TMEM117: variants seen among roughly 807,000 people sequenced by gnomAD.
TMEM117 encodes transmembrane protein 117.
TMEM117 carries 27 observed loss-of-function variants against 52.4 expected under a neutral mutation model. The observed-to-expected ratio is 0.51, with a 90% CI of 0.38 to 0.71. TMEM117 has a LOEUF of 0.71. TMEM117 is among the 30% of genes least tolerant of loss of function. TMEM117 has a pLI of 0.00. For synonymous variants in TMEM117, 215 were observed against 206.3 expected, an observed-to-expected ratio of 1.04 and a Z score of -0.36; for missense variants, 556 against 630.5, an observed-to-expected ratio of 0.88 and a Z score of 1.26.
At chr12:44,221,729 C>T (rs916606282) in intron 5 of TMEM117, among the ~76,000 whole-genome samples, 13 of 151,096 alleles carry the variant, frequency 8.6e-5, no homozygotes, top group African/African-American at 3.2e-4. Flanking sequence ...GACAGAGTCT[C>T]ACTCTGTCAA....
intron 6 of TMEM117, among the ~76,000 whole-genome samples, chr12:44,300,796 A>G (rs1343577410): frequency 1.3e-5 from 2 of 152,184 alleles, no homozygotes; most frequent in African/African-American, 4.8e-5. Context: ...TGCATTTGAA[A>G]ATTGATAAAT....
intron 3 of TMEM117, among the ~76,000 whole-genome samples, chr12:44,072,384 T>G (rs1947315786): frequency 6.6e-6 from 1 of 152,164 alleles, no homozygotes; most frequent in South Asian, 2.1e-4. Context: ...TTCCCGTTCC[T>G]CTCTCTCTGC....
At chr12:44,075,074 G>A (rs1701094) in intron 3 of TMEM117, among the ~76,000 whole-genome samples, 21,260 of 152,156 alleles carry the variant, frequency 0.14, 2,030 homozygotes, top group African/African-American at 0.27. Context: ...ATAGTGGTAA[G>A]TGCTGATTTT....
intron 7 of TMEM117, among the ~76,000 whole-genome samples, chr12:44,382,462 G>A (rs1952033966): frequency 6.6e-6 from 1 of 152,044 alleles, no homozygotes; most frequent in South Asian, 2.1e-4. Flanking sequence ...ATTTTTCTGG[G>A]CACATTGTCT....
At chr12:44,254,027 A>C (rs565584384) in intron 5 of TMEM117, among the ~76,000 whole-genome samples, 112 of 151,826 alleles carry the variant, frequency 7.4e-4, no homozygotes, top group African/African-American at 2.7e-3. Context: ...AAAAAAAAAA[A>C]ACATAGAAGC....
chr12:44,081,570 G>A (rs1947482000), intron 3 of TMEM117, among the ~76,000 whole-genome samples: 1 of 152,050 alleles, frequency 6.6e-6, no homozygotes, highest in Admixed American at 6.6e-5. Flanking sequence ...TAATTAGATG[G>A]CCTTGGAATA....
chr12:44,383,566 T>C (rs887448629), intron 7 of TMEM117, among the ~76,000 whole-genome samples: 2 of 152,162 alleles, frequency 1.3e-5, no homozygotes, highest in African/African-American at 4.8e-5. Context: ...AACAAGGAGA[T>C]TAATAGAAAG....
chr12:44,273,212 G>C (rs1950469803), intron 5 of TMEM117, among the ~76,000 whole-genome samples: 1 of 151,750 alleles, frequency 6.6e-6, no homozygotes, highest in Non-Finnish European at 1.5e-5. Flanking sequence ...CACACACCAG[G>C]ACCTGTTGTG....
At chr12:43,963,109 C>T (rs984187200) in intron 3 of TMEM117, among the ~76,000 whole-genome samples, 6 of 151,286 alleles carry the variant, frequency 4.0e-5, no homozygotes, top group Admixed American at 6.6e-5. Context: ...TTCAATGTTG[C>T]GTCAATATTT....
intron 3 of TMEM117, among the ~76,000 whole-genome samples, chr12:43,948,345 G>A (rs543574849): frequency 1.3e-4 from 20 of 150,300 alleles, no homozygotes; most frequent in African/African-American, 3.2e-4. Context: ...TCACTCTGTC[G>A]CCCAGGCTGG....
chr12:44,278,136 A>G (rs1950537511), intron 5 of TMEM117, among the ~76,000 whole-genome samples: 1 of 152,148 alleles, frequency 6.6e-6, no homozygotes, highest in Non-Finnish European at 1.5e-5. Flanking sequence ...GATGAACCCA[A>G]GGTTATCTGA....
intron 3 of TMEM117, among the ~76,000 whole-genome samples, chr12:43,967,979 C>T (rs73085731): frequency 0.032 from 4,883 of 152,240 alleles, 102 homozygotes; most frequent in Middle Eastern, 0.075. Context: ...GCATTCTCTG[C>T]GCTGATTTTA....
In TMEM117 at chr12:44,268,699, T is replaced by C. The variant is rs533259856; in HGVS notation, c.609-30881T>C. 6.6e-5 allele frequency among the ~76,000 whole-genome samples: 10 copies of C among 152,258 alleles called. No homozygotes were observed. The South Asian group carries it at 1.0e-3, about 16-fold the overall frequency. On this transcript the variant is annotated intron_variant, in intron 5 of 7. Coordinates refer to ENST00000266534, the MANE Select transcript of TMEM117 (RefSeq NM_032256.3). ...CTCACATTGTTGGCAAACTAGTAGG[T>C]GTATGCAAATGTATCTTTGTGGTTT...
intron 5 of TMEM117, among the ~76,000 whole-genome samples, chr12:44,237,588 G>C (rs1207857222): frequency 6.6e-6 from 1 of 151,950 alleles, no homozygotes; most frequent in Non-Finnish European, 1.5e-5. Context: ...ATGGTGGCAT[G>C]CACCTGTAAT....
intron 4 of TMEM117, among the ~76,000 whole-genome samples, chr12:44,146,578 C>A (rs1321132515): frequency 6.6e-6 from 1 of 152,178 alleles, no homozygotes; most frequent in Non-Finnish European, 1.5e-5. Flanking sequence ...TATAGTCACA[C>A]AGGGAGGATT....
intron 3 of TMEM117, among the ~76,000 whole-genome samples, chr12:44,021,920 G>A (rs1212461911): frequency 2.6e-5 from 4 of 152,040 alleles, no homozygotes; most frequent in Non-Finnish European, 5.9e-5. Context: ...TGCCTCTTGG[G>A]GTCTTGCCTT....
intron 6 of TMEM117, among the ~76,000 whole-genome samples, chr12:44,342,861 T>C (rs550251033): frequency 6.6e-6 from 1 of 152,098 alleles, no homozygotes; most frequent in South Asian, 2.1e-4. Flanking sequence ...AAAAAGAGAA[T>C]GGTTTGTTTT....
At chr12:44,282,240 G>C (rs1297212576) in intron 5 of TMEM117, among the ~76,000 whole-genome samples, 1 of 152,116 alleles carries the variant, frequency 6.6e-6, no homozygotes, top group Non-Finnish European at 1.5e-5. Context: ...GTCAGTGTCA[G>C]ACTAATACAG....
chr12:44,277,072 A>G (rs1950523471), intron 5 of TMEM117, among the ~76,000 whole-genome samples: 3 of 152,116 alleles, frequency 2.0e-5, no homozygotes, highest in Non-Finnish European at 4.4e-5. Flanking sequence ...AATTTTGGGA[A>G]AAGAGGTAGA....
Sources: gnomAD v4.1 joint callset for allele counts (sites outside exome capture counted in the v4.1 genomes callset) on GRCh38, gnomAD v4.1.1 for gene constraint, MANE v1.5 for transcripts, NCBI Gene and HGNC (gene_info 2026-07-23, HGNC 2026-07-21) for gene names.